AGRN: variants seen among roughly 807,000 people sequenced by gnomAD.
AGRN encodes agrin.
In AGRN, 106 loss-of-function variants were observed where a neutral mutation model predicts 211.0. That is an observed-to-expected ratio of 0.50 (90% CI 0.43 to 0.59). AGRN has a LOEUF of 0.59. Among genes scored for constraint, AGRN ranks in the 20% least tolerant of loss-of-function variants. The pLI is 0.00. For synonymous variants in AGRN, 1,525 were observed against 1,332.5 expected (o/e 1.14, Z -3.15); for missense variants, 3,040 against 2,982.6 (o/e 1.02, Z -0.45).
At chr1:1,044,306 G>A (rs373147911) in intron 11 of AGRN, 28 bp from the exon 12 acceptor site, 13 of 1,612,400 alleles carry the variant, frequency 8.1e-6, no homozygotes, top group African/African-American at 6.7e-5. Context: ...ACGGGGCTGC[G>A]GCCGCTCACA....
At chr1:1,039,411 T>TGA (rs1644875543) in intron 3 of AGRN, among the ~76,000 whole-genome samples, 1 of 148,436 alleles carries the variant, frequency 6.7e-6, no homozygotes, top group Admixed American at 6.6e-5. Context: ...TCCTTGGAGA[T>TGA]GGGGGGGGTT....
rs111722742 is a variant in AGRN at position 1,043,225 on chromosome 1, T to A, written c.1385-14T>A. The stretch of plus-strand genomic sequence containing the variant: ...GGGGCTTGTGGGACCACTGAGCCCC[T>A]GTGTCCTTCCCAGACCAGGCCCCGT... On this transcript the variant is annotated splice_polypyrimidine_tract_variant and intron_variant, in intron 7 of 35. Coordinates refer to ENST00000379370, the MANE Select transcript of AGRN (RefSeq NM_198576.4). The A allele has an allele frequency of 2.8e-6, 1 of 352,390 alleles. No homozygotes were observed. Among genetic ancestry groups the A allele is most frequent in the Non-Finnish European group, 4.3e-6 (1 of 230,790 alleles). 21.8% of individuals were successfully genotyped at this position (352,390 alleles called of 1,614,324 possible).
rs148864199 is a variant in AGRN, at chr1:1,045,495, C to T, written c.2508C>T (p.Ile836=). The T allele has an allele frequency of 2.0e-4, 321 of 1,612,988 alleles. No homozygotes were observed. The African/African-American group carries it at 3.2e-3, about 16-fold the overall frequency. ...CEPGFWNFRG[I]VTDGRSGCTP... ...CTGGCTTCTGGAACTTTCGAGGCAT[C>T]GTCACCGATGGCCGGAGTGGCTGTA... Residue 836 remains isoleucine, a synonymous_variant, in exon 14 of 36, where the codon ATC becomes ATT. Transcript: ENST00000379370.
chr1:1,040,519 C>G, intron 3 of AGRN, 146 bp from the exon 4 acceptor site: 1 of 968,302 alleles, frequency 1.0e-6, no homozygotes, highest in Non-Finnish European at 1.5e-6. Context: ...TGAGCGCACG[C>G]ACGCGTGTCC....
At chr1:1,052,616 G>A (rs1440464230) in intron 33 of AGRN, 2 of 182,784 alleles carry the variant, frequency 1.1e-5, no homozygotes, top group Admixed American at 1.1e-4. Context: ...ATGTATGTGT[G>A]TGTATAGGTG....
intron 33 of AGRN, 143 bp downstream of exon 33, chr1:1,051,958 TC>T: frequency 6.5e-7 from 1 of 1,548,026 alleles, no homozygotes; most frequent in Non-Finnish European, 8.7e-7. Context: ...CTCCCGGTCC[TC>T]CCGCCTCTCA....
chr1:1,020,897 C>T (rs1202596204), intron 1 of AGRN, among the ~76,000 whole-genome samples: 1 of 142,996 alleles, frequency 7.0e-6, no homozygotes, highest in African/African-American at 2.6e-5. Context: ...GTCACCGGGC[C>T]TCGTGTGCTT....
At chr1:1,053,326 G>T in intron 33 of AGRN, 1 of 761,132 alleles carries the variant, frequency 1.3e-6, no homozygotes. Flanking sequence ...GCTCTTTGGT[G>T]GGCGGCCAGT....
At chr1:1,022,817 G>A (rs553400465) in intron 2 of AGRN, among the ~76,000 whole-genome samples, 1 of 152,358 alleles carries the variant, frequency 6.6e-6, no homozygotes, top group South Asian at 2.1e-4. Flanking sequence ...CCCTGTGTTA[G>A]CCCAGACCTC....
In AGRN at chr1:1,042,173, C is replaced by T. The variant is rs757374706; in HGVS notation, c.1384+11C>T. On this transcript the variant is annotated intron_variant, in intron 7 of 35. Coordinates refer to ENST00000379370, the MANE Select transcript of AGRN (RefSeq NM_198576.4). ...ACCAGGGCCCGTGTGGTGAGCGCCC[C>T]GGGGTGGAGGCCAGGCGGGGTGGGC... The T allele has an allele frequency of 3.3e-5, 52 of 1,586,660 alleles. 1 individual carries two copies. Among genetic ancestry groups the T allele is most frequent in the Middle Eastern group, 1.7e-4 (1 of 6,006 alleles).
intron 34 of AGRN, 92 bp from the exon 35 acceptor site, chr1:1,054,356 C>T: frequency 8.2e-7 from 1 of 1,226,330 alleles, no homozygotes; most frequent in Non-Finnish European, 1.2e-6. Flanking sequence ...GCTGAGGCAC[C>T]TGCAGGGCAT....
At position 1,043,541 on chromosome 1, in the gene AGRN, G is replaced by A. The variant is rs369083997; in HGVS notation, c.1607G>A (p.Arg536His). The A allele has an allele frequency of 5.0e-6, 8 of 1,603,744 alleles. No homozygotes were observed. The highest frequency in any genetic ancestry group is 4.0e-5 in the African/African-American group (3 of 74,892). ...IQVARKGPCD[R>H]CGQCRFGALC... ...GGTGATGGAAGCTCCTCCCCAGACC[G>A]CTGCGGGCAGTGCCGCTTTGGAGCC... is the stretch of plus-strand genomic sequence containing the variant. The change falls in exon 9 of 36, where the codon CGC becomes CAC. Residue 536 changes from arginine to histidine, a missense_variant. Physicochemically the swap from Arg to His is conservative, Grantham distance 29. This residue lies in a region of AGRN where 1,498 missense variants were observed against 1,457.8 expected (regional missense o/e 1.03). Transcript: ENST00000379370.
chr1:1,048,392 C>T lies in AGRN; in HGVS notation c.4105+27C>T, dbSNP rs926457950. 26 of 795,790 alleles carry T rather than the reference C, an allele frequency of 3.3e-5. No homozygotes were observed. The highest frequency in any genetic ancestry group is 5.2e-5 in the African/African-American group (3 of 57,630). The allele number at this position is 795,790 out of a possible 1,614,324, so 49.3% of individuals were successfully genotyped here. A position where few individuals can be genotyped will look rare whatever the true frequency, so the allele number is the denominator to read the frequency against. ...TAAGGATGTCCACTGCAGAGGAGGGCGGGGAGGCAGCAGGGTGGGGGCAAG... is the reference window on the plus strand; with the variant it reads ...TAAGGATGTCCACTGCAGAGGAGGGTGGGGAGGCAGCAGGGTGGGGGCAAG... On this transcript the variant is annotated intron_variant, in intron 23 of 35. Coordinates refer to ENST00000379370, the MANE Select transcript of AGRN (RefSeq NM_198576.4). The surrounding 1 kb of genome is among the most constrained non-coding windows in gnomAD (Gnocchi z 5.9).
intron 34 of AGRN, 77 bp downstream of exon 34, chr1:1,054,054 C>T (rs1316328591): frequency 2.0e-6 from 3 of 1,473,426 alleles, no homozygotes; most frequent in African/African-American, 1.4e-5. Flanking sequence ...TGTCCAGTCA[C>T]TTGTGACCAG....
In AGRN at chr1:1,041,368, A is replaced by G. The variant is rs1399721011; in HGVS notation, c.923A>G (p.Asn308Ser). Residue 308 changes from asparagine (N) to serine (S), a missense_variant, in exon 5 of 36, where the codon AAT becomes AGT. This residue lies in a region of AGRN where 1,498 missense variants were observed against 1,457.8 expected (regional missense o/e 1.03). Coordinates refer to ENST00000379370, the MANE Select transcript of AGRN (RefSeq NM_198576.4). ...CGCCGCGCCTGCGCCCGCCAGGAGAATGTCTTCAAGAAGTTCGACGGCCCT... is the reference window on the plus strand; with the variant it reads ...CGCCGCGCCTGCGCCCGCCAGGAGAGTGTCTTCAAGAAGTTCGACGGCCCT... ...LLRRACARQE[N>S]VFKKFDGPCD... The G allele has an allele frequency of 3.9e-6, 6 of 1,538,906 alleles. No individual in the cohort carries two copies. Among genetic ancestry groups the G allele is most frequent in the Non-Finnish European group, 5.2e-6 (6 of 1,149,572 alleles).
chr1:1,023,220 C>T (rs1185771260), intron 2 of AGRN, among the ~76,000 whole-genome samples: 1 of 152,170 alleles, frequency 6.6e-6, no homozygotes, highest in Non-Finnish European at 1.5e-5. Flanking sequence ...TCCTGACTTC[C>T]CGTCTCTCCG....
chr1:1,050,448 C>T lies in AGRN; in HGVS notation c.4998C>T (p.Val1666=), dbSNP rs746832200. Reference sequence around the variant, plus strand: ...CCAGGGAGAAGATGGCGCTGGAGGTCGTGTTCCTGGCACGAGGCCCCAGCG... The same window carrying T: ...CCAGGGAGAAGATGGCGCTGGAGGTTGTGTTCCTGGCACGAGGCCCCAGCG... The part of the protein sequence containing the change: ...RDLGEKMALE[V]VFLARGPSGL... The change falls in exon 29 of 36, where the codon GTC becomes GTT. Residue 1666 remains valine (V), a synonymous_variant. Transcript: ENST00000379370. 2.4e-5 allele frequency: 39 copies of T among 1,612,792 alleles called. No homozygotes were observed. The highest frequency in any genetic ancestry group is 8.5e-6 in the Non-Finnish European group (10 of 1,179,882).
chr1:1,032,779 T>C lies in AGRN; in HGVS notation c.464-2498T>C, dbSNP rs1335359036. Among the ~76,000 whole-genome samples the C allele has an allele frequency of 6.6e-6, 1 of 151,664 alleles. No homozygotes were observed. The highest frequency in any genetic ancestry group is 1.9e-4 in the East Asian group (1 of 5,174). On this transcript the variant is annotated intron_variant, in intron 2 of 35. Coordinates refer to ENST00000379370, the MANE Select transcript of AGRN (RefSeq NM_198576.4). The surrounding 1 kb of genome is among the most constrained non-coding windows in gnomAD (Gnocchi z 4.7). Reference sequence around the variant, plus strand: ...TGCAGGGACAGAGGAGAGGGCAGGGTAATGGGTGCGCAGGGGTCCCTTCCA... The same window carrying C: ...TGCAGGGACAGAGGAGAGGGCAGGGCAATGGGTGCGCAGGGGTCCCTTCCA...
rs1394638286 is a variant in AGRN at position 1,041,479 on chromosome 1, C to T, written c.954C>T (p.Asp318=). ...NVFKKFDGPC[D]PCQGALPDPS... Reference sequence around the variant, plus strand: ...CTGACTCCTGCCCTCGACCCCCAGACCCCTGTCAGGGCGCCCTCCCTGACC... The same window carrying T: ...CTGACTCCTGCCCTCGACCCCCAGATCCCTGTCAGGGCGCCCTCCCTGACC... Residue 318 remains aspartate, a splice_region_variant and synonymous_variant, in exon 6 of 36, where the codon GAC becomes GAT. Transcript: ENST00000379370. The T allele has an allele frequency of 5.7e-6, 9 of 1,591,918 alleles. No homozygotes were observed. Among genetic ancestry groups the T allele is most frequent in the South Asian group, 2.2e-5 (2 of 89,906 alleles).
Sources: gnomAD v4.1 joint callset for allele counts (sites outside exome capture counted in the v4.1 genomes callset) on GRCh38, gnomAD v4.1.1 for gene constraint, gnomAD v4.1.1 regional missense constraint, Gnocchi (gnomAD v3.1) non-coding constraint, MANE v1.5 for transcripts, NCBI Gene and HGNC (gene_info 2026-07-23, HGNC 2026-07-21) for gene names.